The following OXNAD1 variants were observed in gnomAD, a reference collection of about 807,000 sequenced individuals.
OXNAD1 encodes oxidoreductase NAD binding domain containing 1.
OXNAD1 carries 34 observed loss-of-function variants against 32.9 expected under a neutral mutation model. The ratio of observed to expected loss-of-function variants is 1.03; its 90% CI spans 0.79 to 1.38. The LOEUF is 1.38. Among genes scored for constraint, OXNAD1 ranks in the 40% most tolerant of loss-of-function variants. The pLI is 0.00. For missense variants in OXNAD1, 407 were observed against 379.4 expected, an observed-to-expected ratio of 1.07 and a Z score of -0.60; for synonymous variants, 134 against 135.2, an observed-to-expected ratio of 0.99 and a Z score of 0.06.
At chr3:16,285,606 C>T (rs757346570) in intron 4 of OXNAD1, among the ~76,000 whole-genome samples, 8 of 152,116 alleles carry the variant, frequency 5.3e-5, no homozygotes, top group African/African-American at 9.7e-5. Context: ...GCATAGCTCC[C>T]GAGTCAAACC....
chr3:16,323,185 C>T (rs1316725031), intron 9 of OXNAD1, among the ~76,000 whole-genome samples: 1 of 152,158 alleles, frequency 6.6e-6, no homozygotes, highest in African/African-American at 2.4e-5. Context: ...GCAGACAAGG[C>T]CCTCCAGTCC....
chr3:16,333,600 AGGC>A (rs1414869933), intron 9 of OXNAD1, among the ~76,000 whole-genome samples: 4 of 152,234 alleles, frequency 2.6e-5, no homozygotes, highest in Non-Finnish European at 5.9e-5. Flanking sequence ...GAACACTGGA[AGGC>A]CTTTCTAAAT....
intron 4 of OXNAD1, among the ~76,000 whole-genome samples, chr3:16,279,660 G>A (rs1375080434): frequency 1.3e-5 from 2 of 151,942 alleles, no homozygotes; most frequent in East Asian, 1.9e-4. Context: ...ATAGGAAGGA[G>A]ATCAGCAGAG....
Position 16,304,339 on chromosome 3 carries a change from C to T in OXNAD1, c.*777C>T, listed in dbSNP as rs933131143. 10 of 152,232 alleles carry T rather than the reference C, an allele frequency of 6.6e-5. No homozygotes were observed. Among genetic ancestry groups the T allele is most frequent in the African/African-American group, 2.4e-4 (10 of 41,456 alleles). 9.4% of individuals were successfully genotyped at this position (152,232 alleles called of 1,614,324 possible). A position where few individuals can be genotyped will look rare whatever the true frequency, so the allele number is the denominator to read the frequency against. ...TGGGCTGGCTTGCTATGGAAATGTGCTTAGCATTGATTAGGGGGTAGAGAG... is the reference window on the plus strand; with the variant it reads ...TGGGCTGGCTTGCTATGGAAATGTGTTTAGCATTGATTAGGGGGTAGAGAG... On this transcript the variant is annotated 3_prime_UTR_variant, in exon 9 of 9. Coordinates refer to ENST00000285083, the MANE Select transcript of OXNAD1 (RefSeq NM_138381.5). This position sits in a 1 kb window ranked among gnomAD's most constrained non-coding sequence, Gnocchi z 4.6.
intron 6 of OXNAD1, among the ~76,000 whole-genome samples, chr3:16,300,677 T>C (rs2067117528): frequency 6.6e-6 from 1 of 152,234 alleles, no homozygotes; most frequent in Admixed American, 6.5e-5. Flanking sequence ...ATCTGAGTTG[T>C]ATCATTTGCT....
rs1277765265 is a variant in OXNAD1, at chr3:16,298,083, G to C, written c.432+3086G>C. Reference sequence around the variant, plus strand: ...GGATAACCCCCAGATGCCTGTGTAGGCATTTCCATTGTAAATGTATCCTGT... The same window carrying C: ...GGATAACCCCCAGATGCCTGTGTAGCCATTTCCATTGTAAATGTATCCTGT... On this transcript the variant is annotated intron_variant, in intron 6 of 8. Transcript: ENST00000285083. The surrounding 1 kb of genome is among the most constrained non-coding windows in gnomAD (Gnocchi z 5.1). Among the ~76,000 whole-genome samples the C allele has an allele frequency of 6.6e-6, 1 of 152,096 alleles. No individual in the cohort carries two copies.
Position 16,323,252 on chromosome 3 carries a change from G to T in OXNAD1, c.*31-13860G>T, listed in dbSNP as rs1002066961. Reference sequence around the variant, plus strand: ...GTGATTCGGGTTGCCAGGGGCTCAGGTGTTCCTTGGGCTCTGCGAGCCCTT... The same window carrying T: ...GTGATTCGGGTTGCCAGGGGCTCAGTTGTTCCTTGGGCTCTGCGAGCCCTT... On this transcript the variant is annotated intron_variant, in intron 9 of 9. Transcript: ENST00000435829. The T allele has an allele frequency of 8.8e-6, 6 of 680,672 alleles. No individual in the cohort carries two copies. In the Admixed American group the frequency reaches 1.4e-4, roughly 16 times the overall value. 42.2% of individuals were successfully genotyped at this position (680,672 alleles called of 1,614,324 possible). A position where few individuals can be genotyped will look rare whatever the true frequency, so the allele number is the denominator to read the frequency against.
In OXNAD1 at chr3:16,344,250, A is replaced by T. The variant is rs112843281; in HGVS notation, c.*31-4926A>T. Among the ~76,000 whole-genome samples, 5 of 152,256 alleles carry T rather than the reference A, an allele frequency of 3.3e-5. 1 individual carries two copies. Among genetic ancestry groups the T allele is most frequent in the African/African-American group, 1.2e-4 (5 of 41,548 alleles). ...TTTTGTCCAACATTCATATACTAAG[A>T]AGTAACAGATTGGAAGGGGTTTAAG... On this transcript the variant is annotated intron_variant, in intron 9 of 9. Transcript: ENST00000606098. This position sits in a 1 kb window ranked among gnomAD's most constrained non-coding sequence, Gnocchi z 4.4.
Position 16,301,957 on chromosome 3 carries a change from C to A in OXNAD1, c.675+89C>A. ...TTTTCTCTAGGTTTTGTTTTCTCTG[C>A]AAAGGTTCAAACAAAAGGCTTGGCA... On this transcript the variant is annotated intron_variant, in intron 7 of 8. Coordinates refer to ENST00000285083, the MANE Select transcript of OXNAD1 (RefSeq NM_138381.5). The surrounding 1 kb of genome is among the most constrained non-coding windows in gnomAD (Gnocchi z 4.1). 6.7e-7 allele frequency: 1 copy of A among 1,485,728 alleles called. No homozygotes were observed. The highest frequency in any genetic ancestry group is 9.1e-7 in the Non-Finnish European group (1 of 1,103,796). The allele number at this position is 1,485,728 out of a possible 1,614,324, so 92.0% of individuals were successfully genotyped here. A position where few individuals can be genotyped will look rare whatever the true frequency, so the allele number is the denominator to read the frequency against.
chr3:16,327,572 A>G lies in OXNAD1; in HGVS notation c.*31-9540A>G, dbSNP rs2069837233. Among the ~76,000 whole-genome samples, 1 of 152,060 alleles carries G rather than the reference A, an allele frequency of 6.6e-6. No homozygotes were observed. Among genetic ancestry groups the G allele is most frequent in the African/African-American group, 2.4e-5 (1 of 41,396 alleles). ...CAGGAGATCAAGACCATCCTGGCTA[A>G]CACAGTGAAACCCCGTCTCTACTAA... On this transcript the variant is annotated intron_variant, in intron 9 of 9. Coordinates refer to the OXNAD1 transcript ENST00000435829. The surrounding 1 kb of genome is among the most constrained non-coding windows in gnomAD (Gnocchi z 4.2).
At chr3:16,279,321 G>A (rs1004140380) in intron 4 of OXNAD1, among the ~76,000 whole-genome samples, 10 of 152,178 alleles carry the variant, frequency 6.6e-5, no homozygotes, top group African/African-American at 1.9e-4. Context: ...CCCTAGGGGT[G>A]TGTAACTAAC....
Position 16,284,898 on chromosome 3 carries a change from T to G in OXNAD1, c.184-1444T>G, listed in dbSNP as rs1375353421. On this transcript the variant is annotated intron_variant, in intron 4 of 8. Coordinates refer to ENST00000285083, the MANE Select transcript of OXNAD1 (RefSeq NM_138381.5). The surrounding 1 kb of genome is among the most constrained non-coding windows in gnomAD (Gnocchi z 4.1). Reference sequence around the variant, plus strand: ...ATTTTGTTGCTGAATTGCTTTGAATTGCAAATGGCATTAGATGTAATCTTT... The same window carrying G: ...ATTTTGTTGCTGAATTGCTTTGAATGGCAAATGGCATTAGATGTAATCTTT... Among the ~76,000 whole-genome samples, 3 of 152,246 alleles carry G rather than the reference T, an allele frequency of 2.0e-5. No individual in the cohort carries two copies. The highest frequency in any genetic ancestry group is 4.4e-5 in the Non-Finnish European group (3 of 68,038).
intron 9 of OXNAD1, among the ~76,000 whole-genome samples, chr3:16,311,274 AC>A (rs1356813474): frequency 0.014 from 2 of 140 alleles, no homozygotes; most frequent in Non-Finnish European, 0.03. Context: ...GCTCACTGCA[AC>A]TATCTGCCTC....
rs1233636761 is a variant in OXNAD1, at chr3:16,297,786, A to C, written c.432+2789A>C. Among the ~76,000 whole-genome samples, 1 of 152,228 alleles carries C rather than the reference A, an allele frequency of 6.6e-6. No homozygotes were observed. The highest frequency in any genetic ancestry group is 1.5e-5 in the Non-Finnish European group (1 of 68,040). ...TTGTCACATTCTGGAAGACAAAGAT[A>C]TAATGATGGGAAACCAGTGGTTGAC... On this transcript the variant is annotated intron_variant, in intron 6 of 8. Transcript: ENST00000285083. This position sits in a 1 kb window ranked among gnomAD's most constrained non-coding sequence, Gnocchi z 4.3.
At chr3:16,323,604 CTCCCA>C in intron 9 of OXNAD1, 1 of 574,072 alleles carries the variant, frequency 1.7e-6, no homozygotes, top group Non-Finnish European at 3.0e-6. Flanking sequence ...TACTCTTCCG[CTCCCA>C]GGCCATCCAA....
In OXNAD1 at chr3:16,270,325, T is replaced by C. The variant is rs560138062; in HGVS notation, c.-8-620T>C. On this transcript the variant is annotated intron_variant, in intron 2 of 8. Coordinates refer to ENST00000285083, the MANE Select transcript of OXNAD1 (RefSeq NM_138381.5). ...CTTTCATTCAGTATGTTATTTGTGGTAATTCATCTGTGTTACTGCATGTAG... is the reference window on the plus strand; with the variant it reads ...CTTTCATTCAGTATGTTATTTGTGGCAATTCATCTGTGTTACTGCATGTAG... Among the ~76,000 whole-genome samples, 6 of 152,358 alleles carry C rather than the reference T, an allele frequency of 3.9e-5. No individual in the cohort carries two copies. In the South Asian group the frequency reaches 1.2e-3, roughly 32 times the overall value.
intron 4 of OXNAD1, among the ~76,000 whole-genome samples, chr3:16,283,685 T>C (rs1276067185): frequency 6.6e-6 from 1 of 152,082 alleles, no homozygotes; most frequent in Non-Finnish European, 1.5e-5. Context: ...TGTGAGTCCT[T>C]GAGGGCCTCA....
chr3:16,279,046 T>C (rs2065554415), intron 4 of OXNAD1, among the ~76,000 whole-genome samples: 1 of 152,242 alleles, frequency 6.6e-6, no homozygotes, highest in Non-Finnish European at 1.5e-5. Flanking sequence ...CATGCACTGT[T>C]TCTCAACAGT....
At chr3:16,272,164 G>C (rs780573253) in intron 4 of OXNAD1, 93 of 453,580 alleles carry the variant, frequency 2.1e-4, no homozygotes, top group Non-Finnish European at 3.7e-4. Flanking sequence ...TTTCATCAAG[G>C]GAGAAAGCAC....
Sources: gnomAD v4.1 joint callset for allele counts (sites outside exome capture counted in the v4.1 genomes callset) on GRCh38, gnomAD v4.1.1 for gene constraint, Gnocchi (gnomAD v3.1) non-coding constraint, MANE v1.5 for transcripts, NCBI Gene and HGNC (gene_info 2026-07-23, HGNC 2026-07-21) for gene names.